Variants in PRKACB observed in about 807,000 individuals in gnomAD.
PRKACB encodes the protein cAMP-dependent protein kinase catalytic subunit beta.
Under a neutral mutation model 51.4 loss-of-function variants are expected in PRKACB, and 16 were observed. That is an observed-to-expected ratio of 0.31 (90% CI 0.21 to 0.47). The LOEUF (loss-of-function observed/expected upper bound fraction) is 0.47, where lower values mean the gene tolerates loss of function less well. PRKACB is among the 20% of genes least tolerant of loss of function. PRKACB has a pLI of 1.00. For missense variants in PRKACB, 309 were observed against 464.5 expected (o/e 0.67, Z 3.08); for synonymous variants, 147 against 154.4 (o/e 0.95, Z 0.35).
intron 8 of PRKACB, among the ~76,000 whole-genome samples, chr1:84,213,289 C>T (rs145590021): frequency 2.7e-3 from 404 of 152,256 alleles, no homozygotes; most frequent in African/African-American, 9.1e-3. Context: ...ATAGATGCAG[C>T]TATTCCTTCA....
intron 1 of PRKACB, among the ~76,000 whole-genome samples, chr1:84,101,537 C>A (rs1161583513): frequency 1.3e-5 from 2 of 152,110 alleles, no homozygotes; most frequent in Non-Finnish European, 2.9e-5. Flanking sequence ...TTCCTACTTT[C>A]TTTTTAACTT....
intron 9 of PRKACB, among the ~76,000 whole-genome samples, chr1:84,215,395 T>G (rs550090233): frequency 1.2e-4 from 19 of 152,280 alleles, no homozygotes; most frequent in East Asian, 1.9e-4. Context: ...GTCGTATAAA[T>G]AAATGTAAAA....
At chr1:84,141,523 A>G (rs1653415552), upstream of PRKACB, among the ~76,000 whole-genome samples, 1 of 152,156 alleles carries the variant, frequency 6.6e-6, no homozygotes, top group South Asian at 2.1e-4. Context: ...GGACTTGATA[A>G]CAAATTGAAA....
chr1:84,171,356 T>A (rs1443931405), intron 1 of PRKACB, among the ~76,000 whole-genome samples: 2 of 151,502 alleles, frequency 1.3e-5, no homozygotes, highest in East Asian at 3.9e-4. Flanking sequence ...AAAGGTTAGT[T>A]TATGGGAAAA....
intron 1 of PRKACB, among the ~76,000 whole-genome samples, chr1:84,175,438 C>T (rs1159140198): frequency 1.3e-5 from 2 of 151,632 alleles, no homozygotes; most frequent in African/African-American, 2.4e-5. Context: ...TAACAACATA[C>T]TCTTTTTATC....
chr1:84,159,576 A>G (rs1655932524), intron 1 of PRKACB, among the ~76,000 whole-genome samples: 1 of 152,036 alleles, frequency 6.6e-6, no homozygotes, highest in African/African-American at 2.4e-5. Context: ...TTTCTTCTTT[A>G]TCCTTTAATA....
intron 1 of PRKACB, chr1:84,175,933 G>A: frequency 1.5e-6 from 1 of 674,980 alleles, no homozygotes; most frequent in South Asian, 3.3e-5. Context: ...CTTTTTTGTA[G>A]TATCTACTTT....
chr1:84,157,566 C>T (rs141250500), intron 1 of PRKACB, among the ~76,000 whole-genome samples: 4 of 152,288 alleles, frequency 2.6e-5, no homozygotes, highest in African/African-American at 9.6e-5. Context: ...TCCCCACTCT[C>T]ACCTCAATCT....
intron 1 of PRKACB, among the ~76,000 whole-genome samples, chr1:84,126,941 G>A (rs1651670443): frequency 6.6e-6 from 1 of 152,166 alleles, no homozygotes. Context: ...TTTTGCAGTA[G>A]TCCTTAACTA....
upstream of PRKACB, among the ~76,000 whole-genome samples, chr1:84,143,593 A>G (rs927374932): frequency 1.3e-5 from 2 of 152,168 alleles, no homozygotes; most frequent in South Asian, 2.1e-4. Context: ...ATTTCTTGCT[A>G]TGGTGGATTT....
intron 1 of PRKACB, among the ~76,000 whole-genome samples, chr1:84,130,665 G>A (rs1652096875): frequency 1.3e-5 from 2 of 152,136 alleles, no homozygotes; most frequent in African/African-American, 4.8e-5. Context: ...TAAATTTACA[G>A]ATTGAAGAAG....
intron 1 of PRKACB, among the ~76,000 whole-genome samples, chr1:84,139,038 CA>C (rs971157600): frequency 6.6e-6 from 1 of 152,074 alleles, no homozygotes; most frequent in Non-Finnish European, 1.5e-5. Context: ...TTTGTTATCT[CA>C]ATAAGGGGCA....
At chr1:84,134,450 G>A (rs1652588689) in intron 1 of PRKACB, among the ~76,000 whole-genome samples, 1 of 152,186 alleles carries the variant, frequency 6.6e-6, no homozygotes, top group Non-Finnish European at 1.5e-5. Context: ...AAAAGAGATA[G>A]GAGAAAGTAT....
upstream of PRKACB, among the ~76,000 whole-genome samples, chr1:84,142,001 A>G (rs545920087): frequency 3.3e-5 from 5 of 152,294 alleles, no homozygotes; most frequent in South Asian, 6.2e-4. Context: ...TCTTGTCTCT[A>G]TATATGAGCA....
chr1:84,219,570 T>A (rs1445046397), intron 9 of PRKACB, among the ~76,000 whole-genome samples: 1 of 151,750 alleles, frequency 6.6e-6, no homozygotes, highest in African/African-American at 2.4e-5. Flanking sequence ...TCTTCTAGTA[T>A]TGTTATGGTT....
intron 1 of PRKACB, among the ~76,000 whole-genome samples, chr1:84,132,382 C>T (rs1453828647): frequency 6.6e-6 from 1 of 152,084 alleles, no homozygotes; most frequent in Non-Finnish European, 1.5e-5. Context: ...CTATAGCAAA[C>T]ATTAAACACA....
chr1:84,146,141 TTTTG>T (rs1279793768), intron 1 of PRKACB, among the ~76,000 whole-genome samples: 1 of 91,334 alleles, frequency 1.1e-5, no homozygotes, highest in African/African-American at 2.9e-5. Flanking sequence ...TAAAATGCTG[TTTTG>T]TTTTTTTTTT....
At chr1:84,111,785 G>C (rs564201322) in intron 1 of PRKACB, among the ~76,000 whole-genome samples, 9 of 152,060 alleles carry the variant, frequency 5.9e-5, no homozygotes, top group African/African-American at 1.9e-4. Context: ...AATTTTCTAG[G>C]TTAAAGGCAG....
chr1:84,207,780 G>A (rs1671558561), intron 8 of PRKACB, among the ~76,000 whole-genome samples: 1 of 152,018 alleles, frequency 6.6e-6, no homozygotes, highest in South Asian at 2.1e-4. Context: ...CCCTCCTTTC[G>A]AATATCAACT....
Sources: allele counts gnomAD v4.1 joint callset (sites outside exome capture counted in the v4.1 genomes callset), GRCh38; gene constraint gnomAD v4.1.1; transcripts MANE v1.5; gene names NCBI Gene and HGNC (gene_info 2026-07-23, HGNC 2026-07-21).